Variants in SATB2 observed in about 807,000 individuals in gnomAD.
The protein encoded by SATB2 is SATB homeobox 2.
In SATB2, 1 loss-of-function variant was observed where a neutral mutation model predicts 73.4. The observed-to-expected ratio is 0.01, with a 90% confidence interval of 0.00 to 0.06. SATB2 has a LOEUF of 0.06. Among genes scored for constraint, SATB2 ranks in the 10% least tolerant of loss-of-function variants. The pLI, the probability that SATB2 is intolerant of heterozygous loss-of-function variation, is 1.00. For synonymous variants in SATB2, 397 were observed against 367.0 expected (o/e 1.08, Z -0.93); for missense variants, 459 against 945.8 (o/e 0.49, Z 6.75).
intron 6 of SATB2, among the ~76,000 whole-genome samples, chr2:199,354,963 A>G (rs559004286): frequency 2.0e-5 from 3 of 152,262 alleles, no homozygotes; most frequent in Admixed American, 2.0e-4. Flanking sequence ...GTGGCTGGTT[A>G]TTCATAGATG....
chr2:199,277,817 G>C (rs777985179), intron 10 of SATB2, among the ~76,000 whole-genome samples: 1 of 152,152 alleles, frequency 6.6e-6, no homozygotes, highest in African/African-American at 2.4e-5. Context: ...TACTCTTAGA[G>C]GCAGGCATTT....
chr2:199,414,799 A>T (rs561308085), intron 3 of SATB2, among the ~76,000 whole-genome samples: 1 of 152,234 alleles, frequency 6.6e-6, no homozygotes, highest in East Asian at 1.9e-4. Context: ...CTCCCCAAGG[A>T]TCACAAACAA....
intron 10 of SATB2, among the ~76,000 whole-genome samples, chr2:199,304,509 T>A (rs935622831): frequency 4.6e-5 from 7 of 152,164 alleles, no homozygotes; most frequent in African/African-American, 1.4e-4. Flanking sequence ...TTTTGTCTAA[T>A]CATGGCCCCT....
At chr2:199,303,550 A>T (rs1303129716) in intron 10 of SATB2, among the ~76,000 whole-genome samples, 1 of 152,182 alleles carries the variant, frequency 6.6e-6, no homozygotes, top group Non-Finnish European at 1.5e-5. Context: ...TGTAGATCAC[A>T]TAAGTCTTTG....
chr2:199,430,438 G>A (rs1691468346), intron 3 of SATB2, among the ~76,000 whole-genome samples: 1 of 152,188 alleles, frequency 6.6e-6, no homozygotes, highest in Admixed American at 6.5e-5. Flanking sequence ...ATGCAAAACA[G>A]CAAGTCTGAT....
In SATB2 at chr2:199,383,335, G is replaced by GTAGT. The variant is rs1333429834; in HGVS notation, c.347-1519_347-1516dup. 8.5e-5 allele frequency among the ~76,000 whole-genome samples: 13 copies of GTAGT among 152,288 alleles called. 1 individual carries two copies. The highest frequency in any genetic ancestry group is 3.9e-4 in the Admixed American group (6 of 15,300). ...ATGAAAAGTGCACAGCACACAGCAT[G>GTAGT]TAGTAGTCATGAAATGAACATCCAG... On this transcript the variant is annotated intron_variant, in intron 3 of 10. Coordinates refer to ENST00000417098, the MANE Select transcript of SATB2 (RefSeq NM_001172509.2).
chr2:199,387,850 A>G (rs1370456164), intron 3 of SATB2, among the ~76,000 whole-genome samples: 1 of 152,258 alleles, frequency 6.6e-6, no homozygotes, highest in Admixed American at 6.5e-5. Context: ...GTCTAAAATT[A>G]AAAAGATGCA....
upstream of SATB2, among the ~76,000 whole-genome samples, chr2:199,461,307 A>G (rs1417958326): frequency 1.3e-5 from 2 of 152,180 alleles, no homozygotes; most frequent in Non-Finnish European, 2.9e-5. Flanking sequence ...AACTGAAGCG[A>G]TTATTTCCAG....
At position 199,270,582 on chromosome 2, in the gene SATB2, G is replaced by C. The variant is rs571248300; in HGVS notation, c.*1629C>G. Reference sequence around the variant, plus strand: ...TTTAAAGCATGGATTACGTTCACTAGGCCAGTCCTGAATGTGAGGTCTCCT... The same window carrying C: ...TTTAAAGCATGGATTACGTTCACTACGCCAGTCCTGAATGTGAGGTCTCCT... On this transcript the variant is annotated 3_prime_UTR_variant, in exon 11 of 11. Coordinates refer to ENST00000417098, the MANE Select transcript of SATB2 (RefSeq NM_001172509.2). 3.9e-4 allele frequency: 59 copies of C among 152,100 alleles called. No individual in the cohort carries two copies. Among genetic ancestry groups the C allele is most frequent in the Non-Finnish European group, 1.0e-4 (7 of 67,982 alleles). 9.4% of individuals were successfully genotyped at this position (152,100 alleles called of 1,614,324 possible). A position where few individuals can be genotyped will look rare whatever the true frequency, so the allele number is the denominator to read the frequency against.
intron 2 of SATB2, among the ~76,000 whole-genome samples, chr2:199,443,321 A>G (rs980871003): frequency 6.6e-6 from 1 of 152,138 alleles, no homozygotes; most frequent in Non-Finnish European, 1.5e-5. Context: ...TCCTCTTGAA[A>G]GGAATTAATA....
intron 3 of SATB2, among the ~76,000 whole-genome samples, chr2:199,398,109 T>C (rs961845793): frequency 2.8e-4 from 43 of 152,148 alleles, no homozygotes; most frequent in African/African-American, 9.9e-4. Context: ...GAAGCCAATG[T>C]AGACTATTAA....
intron 7 of SATB2, among the ~76,000 whole-genome samples, chr2:199,342,843 TAAAATA>T (rs1416269733): frequency 6.6e-6 from 1 of 152,188 alleles, no homozygotes; most frequent in Non-Finnish European, 1.5e-5. Context: ...ACATATTTAT[TAAAATA>T]AAAATAAACT....
chr2:199,320,301 T>A (rs1338411570), intron 9 of SATB2, among the ~76,000 whole-genome samples: 2 of 152,176 alleles, frequency 1.3e-5, no homozygotes, highest in African/African-American at 2.4e-5. Flanking sequence ...ATCTGAGTAT[T>A]CTGCAGACAG....
rs530149930 is a variant in SATB2 at position 199,366,204 on chromosome 2, T to C, written c.700+2401A>G. Among the ~76,000 whole-genome samples the C allele has an allele frequency of 9.2e-5, 14 of 152,230 alleles. No individual in the cohort carries two copies. In the South Asian group the frequency reaches 2.3e-3, roughly 25 times the overall value. On this transcript the variant is annotated intron_variant, in intron 6 of 10. Transcript: ENST00000417098. ...GAGAGGGACATGGAACTCTGACTTCTGGGGTCTCAGAAAAAGCCCTATGGT... is the reference window on the plus strand; with the variant it reads ...GAGAGGGACATGGAACTCTGACTTCCGGGGTCTCAGAAAAAGCCCTATGGT...
At chr2:199,395,906 G>A (rs375618200) in intron 3 of SATB2, 53 of 152,228 alleles carry the variant, frequency 3.5e-4, no homozygotes, top group African/African-American at 1.1e-3. Context: ...AAAGACTTTC[G>A]TATGTATTTT....
rs1690505248 is a variant in SATB2 at position 199,402,281 on chromosome 2, ACACTGAGGCAGGAGAAT to A, written c.347-20478_347-20462del. 2.0e-5 allele frequency among the ~76,000 whole-genome samples: 3 copies of A among 152,310 alleles called. 1 individual carries two copies. In the South Asian group the frequency reaches 6.2e-4, roughly 32 times the overall value. ...GCACCTGTAGTCCCAGCTACTCAGG[ACACTGAGGCAGGAGAAT>A]CACTTGAACCCGGAAGGTGGAGGTT... On this transcript the variant is annotated intron_variant, in intron 3 of 10. Transcript: ENST00000417098.
chr2:199,314,130 AG>A (rs1266721066), intron 9 of SATB2, among the ~76,000 whole-genome samples: 1 of 152,036 alleles, frequency 6.6e-6, no homozygotes, highest in African/African-American at 2.4e-5. Context: ...TATTATTTTT[AG>A]GGGTGGGTAT....
chr2:199,305,411 C>T (rs1687403876), intron 10 of SATB2, among the ~76,000 whole-genome samples: 1 of 152,164 alleles, frequency 6.6e-6, no homozygotes, highest in African/African-American at 2.4e-5. Flanking sequence ...AGGCTTAATG[C>T]CTGGGTGATG....
intron 3 of SATB2, among the ~76,000 whole-genome samples, chr2:199,401,483 G>T (rs1292815330): frequency 6.6e-6 from 1 of 151,828 alleles, no homozygotes; most frequent in Admixed American, 6.6e-5. Context: ...AACCCGGGAG[G>T]CGGAGGTTGC....
Sources: gnomAD v4.1 joint callset for allele counts (sites outside exome capture counted in the v4.1 genomes callset) on GRCh38, gnomAD v4.1.1 for gene constraint, MANE v1.5 for transcripts, NCBI Gene and HGNC (gene_info 2026-07-23, HGNC 2026-07-21) for gene names.